CALD1: variants seen among roughly 807,000 people sequenced by gnomAD.
The protein encoded by CALD1 is caldesmon 1, also known as caldesmon.
CALD1 carries 33 observed loss-of-function variants against 99.9 expected under a neutral mutation model. The observed-to-expected ratio is 0.33, with a 90% CI of 0.25 to 0.44. The LOEUF (loss-of-function observed/expected upper bound fraction) is 0.44, where lower values mean the gene tolerates loss of function less well. Among genes scored for constraint, CALD1 ranks in the 20% least tolerant of loss-of-function variants. The pLI is 1.00. For synonymous variants in CALD1, 310 were observed against 325.0 expected, an observed-to-expected ratio of 0.95 and a Z score of 0.50; for missense variants, 861 against 962.1, an observed-to-expected ratio of 0.89 and a Z score of 1.39.
intron 3 of CALD1, among the ~76,000 whole-genome samples, chr7:134,905,405 T>C (rs1358263984): frequency 6.6e-6 from 1 of 152,110 alleles, no homozygotes. Flanking sequence ...CATTTGCAGA[T>C]GAGGAAAATG....
intron 3 of CALD1, among the ~76,000 whole-genome samples, chr7:134,907,353 A>C (rs1021815120): frequency 6.6e-6 from 1 of 152,160 alleles, no homozygotes; most frequent in Admixed American, 6.6e-5. Context: ...TAGAGAAAGT[A>C]GCCCTGTAAA....
At chr7:134,756,148 C>T (rs1315189671) in intron 1 of CALD1, among the ~76,000 whole-genome samples, 3 of 151,806 alleles carry the variant, frequency 2.0e-5, no homozygotes, top group Non-Finnish European at 4.4e-5. Context: ...GCCACGGCCT[C>T]CCAAAGTGCT....
At chr7:134,868,138 A>G (rs1397086584) in intron 3 of CALD1, 1 of 161,758 alleles carries the variant, frequency 6.2e-6, no homozygotes, top group Non-Finnish European at 1.4e-5. Flanking sequence ...ATAAGAAATG[A>G]CAAAAAAATG....
chr7:134,804,124 T>C (rs1452666773), intron 1 of CALD1, among the ~76,000 whole-genome samples: 2 of 152,276 alleles, frequency 1.3e-5, no homozygotes, highest in South Asian at 2.1e-4. Flanking sequence ...CTTTCTACTG[T>C]TGGAGATAAG....
intron 2 of CALD1, among the ~76,000 whole-genome samples, chr7:134,845,209 A>G (rs1204686605): frequency 6.6e-6 from 1 of 152,210 alleles, no homozygotes. Flanking sequence ...CTGAAATCAG[A>G]GAGTGTGCCT....
At chr7:134,733,286 G>A in the CALD1 span, among the ~76,000 whole-genome samples, 2 of 152,284 alleles carry the variant, frequency 1.3e-5, no homozygotes, top group Middle Eastern at 3.4e-3. Context: ...CCTCCAGATC[G>A]GTTCCTTTCT....
the CALD1 span, among the ~76,000 whole-genome samples, chr7:134,725,777 C>T: frequency 6.6e-6 from 1 of 152,094 alleles, no homozygotes; most frequent in Non-Finnish European, 1.5e-5. Flanking sequence ...CTGGCTGGGC[C>T]CTTGATGCCA....
At chr7:134,763,620 C>G (rs1039812349) in intron 1 of CALD1, among the ~76,000 whole-genome samples, 1 of 152,112 alleles carries the variant, frequency 6.6e-6, no homozygotes, top group Non-Finnish European at 1.5e-5. Flanking sequence ...TTTTCCCTCT[C>G]AGAATATATT....
intron 4 of CALD1, 127 bp downstream of exon 4, chr7:134,929,027 T>A: frequency 1.2e-6 from 1 of 816,012 alleles, no homozygotes; most frequent in Non-Finnish European, 1.9e-6. Flanking sequence ...CTGGTTTAAT[T>A]ATTTTGCAGT....
In CALD1 at chr7:134,968,273, C is replaced by G; in HGVS notation, c.2377-67C>G. ...TCTTCTGACTATAAAAACCATCTGC[C>G]TGAAACACTGCAGGCTGTCAGTTTC... On this transcript the variant is annotated intron_variant, in intron 14 of 14. Coordinates refer to ENST00000361675, the MANE Select transcript of CALD1 (RefSeq NM_033138.4). 10 of 1,444,718 alleles carry G rather than the reference C, an allele frequency of 6.9e-6. 1 individual carries two copies. The South Asian group carries it at 1.0e-4, about 15-fold the overall frequency. 89.5% of individuals were successfully genotyped at this position (1,444,718 alleles called of 1,614,324 possible).
intron 1 of CALD1, among the ~76,000 whole-genome samples, chr7:134,821,777 T>G (rs1408414105): frequency 2.6e-5 from 4 of 152,044 alleles, no homozygotes; most frequent in African/African-American, 9.7e-5. Context: ...GAGATGGGGT[T>G]TCACCATGTT....
intron 1 of CALD1, among the ~76,000 whole-genome samples, chr7:134,787,731 T>A (rs1443560428): frequency 6.6e-6 from 1 of 152,200 alleles, no homozygotes; most frequent in Non-Finnish European, 1.5e-5. Context: ...AGGAATTACA[T>A]CCTCTGTATT....
At chr7:134,827,445 C>A (rs973197503) in intron 1 of CALD1, among the ~76,000 whole-genome samples, 6 of 152,214 alleles carry the variant, frequency 3.9e-5, no homozygotes, top group African/African-American at 1.4e-4. Context: ...TACTGTTATA[C>A]ACGTTACCCC....
chr7:134,722,880 T>C, the CALD1 span, among the ~76,000 whole-genome samples: 229 of 152,286 alleles, frequency 1.5e-3, 1 homozygote, highest in African/African-American at 5.3e-3. Context: ...TCTTTGAATT[T>C]AGGAAAATGG....
chr7:134,825,138 T>G (rs993582740), intron 1 of CALD1, among the ~76,000 whole-genome samples: 10 of 152,118 alleles, frequency 6.6e-5, no homozygotes, highest in African/African-American at 2.4e-4. Context: ...TGACCTAAAA[T>G]GATCACTTCA....
intron 2 of CALD1, among the ~76,000 whole-genome samples, chr7:134,861,102 T>G (rs549530819): frequency 6.6e-6 from 1 of 152,318 alleles, no homozygotes; most frequent in South Asian, 2.1e-4. Context: ...GGATATGTCA[T>G]GTGTGATACC....
rs3778838 is a variant in CALD1 at position 134,783,204 on chromosome 7, C to T, written c.-130+3455C>T. Among the ~76,000 whole-genome samples, 4 of 152,320 alleles carry T rather than the reference C, an allele frequency of 2.6e-5. No individual in the cohort carries two copies. The highest frequency in any genetic ancestry group is 3.9e-4 in the East Asian group (2 of 5,192). On this transcript the variant is annotated intron_variant, in intron 1 of 14. Transcript: ENST00000361675. This position sits in a 1 kb window ranked among gnomAD's most constrained non-coding sequence, Gnocchi z 4.3. ...TTGGTATTGAAACCAGACTGCTCCACGGAGCTCGCCTCTCACCTCTTTGCT... is the reference window on the plus strand; with the variant it reads ...TTGGTATTGAAACCAGACTGCTCCATGGAGCTCGCCTCTCACCTCTTTGCT...
chr7:134,793,808 A>G (rs989252060), intron 1 of CALD1, among the ~76,000 whole-genome samples: 2 of 149,194 alleles, frequency 1.3e-5, no homozygotes, highest in Non-Finnish European at 3.0e-5. Flanking sequence ...CACTCCCTCC[A>G]TTTATGTACC....
At chr7:134,907,144 T>A (rs1197733923) in intron 3 of CALD1, among the ~76,000 whole-genome samples, 2 of 152,272 alleles carry the variant, frequency 1.3e-5, no homozygotes, top group East Asian at 3.9e-4. Context: ...GTTCCTGAGT[T>A]GGCTCTGAAA....
Sources: allele counts gnomAD v4.1 joint callset (sites outside exome capture counted in the v4.1 genomes callset), GRCh38; gene constraint gnomAD v4.1.1; non-coding constraint Gnocchi (gnomAD v3.1); transcripts MANE v1.5; gene names NCBI Gene and HGNC (gene_info 2026-07-23, HGNC 2026-07-21).